The following SIPA1L1 variants were observed in gnomAD, a reference collection of about 807,000 sequenced individuals.
The protein encoded by SIPA1L1 is signal-induced proliferation-associated 1-like protein 1.
Under a neutral mutation model 162.7 loss-of-function variants are expected in SIPA1L1, and 26 were observed. The observed-to-expected ratio is 0.16, with a 90% CI of 0.12 to 0.22. The LOEUF is 0.22. Ranked by LOEUF, SIPA1L1 falls within the 10% of genes least tolerant of loss-of-function variation. SIPA1L1 has a pLI of 1.00. For missense variants in SIPA1L1, 1,874 were observed against 2,241.0 expected, an observed-to-expected ratio of 0.84 and a Z score of 3.31; for synonymous variants, 829 against 837.4, an observed-to-expected ratio of 0.99 and a Z score of 0.17.
At chr14:71,642,041 CTG>C (rs1344432132) in intron 7 of SIPA1L1, among the ~76,000 whole-genome samples, 3 of 152,180 alleles carry the variant, frequency 2.0e-5, no homozygotes, top group African/African-American at 7.2e-5. Context: ...GATTTAAAAA[CTG>C]AAGGCAAATT....
intron 2 of SIPA1L1, among the ~76,000 whole-genome samples, chr14:71,366,841 G>C (rs920036919): frequency 1.3e-5 from 2 of 152,132 alleles, no homozygotes; most frequent in South Asian, 2.1e-4. Context: ...TATGTTAAAG[G>C]ATTTTTGTAA....
At position 71,588,412 on chromosome 14, in the gene SIPA1L1, A is replaced by C. The variant is rs1032376489; in HGVS notation, c.540A>C (p.Ile180=). ...AGCGAAGCAACAGTGATATCACCATAAGTGAACTTGATGTGGATAGCTTTG... is the reference window on the plus strand; with the variant it reads ...AGCGAAGCAACAGTGATATCACCATCAGTGAACTTGATGTGGATAGCTTTG... ...IRQRSNSDIT[I]SELDVDSFDE... is the part of the protein sequence containing the mutation. Residue 180 remains isoleucine, a synonymous_variant, in exon 5 of 24, where the codon ATA becomes ATC. Coordinates refer to ENST00000381232, the MANE Select transcript of SIPA1L1 (RefSeq NM_001386936.1). This position sits in a 1 kb window ranked among gnomAD's most constrained non-coding sequence, Gnocchi z 4.3. 1 of 1,614,150 alleles carries C rather than the reference A, an allele frequency of 6.2e-7. No individual in the cohort carries two copies. Among genetic ancestry groups the C allele is most frequent in the African/African-American group, 1.3e-5 (1 of 75,066 alleles).
intron 4 of SIPA1L1, among the ~76,000 whole-genome samples, chr14:71,536,890 C>T (rs550893922): frequency 1.8e-4 from 27 of 152,270 alleles, no homozygotes; most frequent in South Asian, 1.5e-3. Flanking sequence ...GGAAGCGATA[C>T]GCAAATTTTA....
In SIPA1L1 at chr14:71,648,584, A is replaced by C. The variant is rs1315942333; in HGVS notation, c.1819-1751A>C. On this transcript the variant is annotated intron_variant, in intron 7 of 23. Coordinates refer to ENST00000381232, the MANE Select transcript of SIPA1L1 (RefSeq NM_001386936.1). ...ATTTTCAGATTTTAGAGGGATAATAAAATGTATGACCCATATAGTAATATT... is the reference window on the plus strand; with the variant it reads ...ATTTTCAGATTTTAGAGGGATAATACAATGTATGACCCATATAGTAATATT... Among the ~76,000 whole-genome samples the C allele has an allele frequency of 2.0e-5, 3 of 152,306 alleles. No homozygotes were observed. In the East Asian group the frequency reaches 5.8e-4, roughly 29 times the overall value.
chr14:71,508,179 T>C (rs1460731251), intron 2 of SIPA1L1, among the ~76,000 whole-genome samples: 1 of 152,236 alleles, frequency 6.6e-6, no homozygotes, highest in Non-Finnish European at 1.5e-5. Flanking sequence ...ATCTGTATTT[T>C]CATTTTAAAT....
intron 2 of SIPA1L1, among the ~76,000 whole-genome samples, chr14:71,409,121 G>A (rs11627196): frequency 0.14 from 20,847 of 152,200 alleles, 1,521 homozygotes; most frequent in East Asian, 0.25. Flanking sequence ...GCTTTTTAAA[G>A]TGAGTATATC....
intron 20 of SIPA1L1, among the ~76,000 whole-genome samples, chr14:71,732,608 T>C (rs1368239835): frequency 2.0e-5 from 3 of 152,214 alleles, no homozygotes; most frequent in African/African-American, 7.2e-5. Context: ...GTTACAATGG[T>C]TTAATATTTG....
At chr14:71,525,245 C>T (rs183558850) in intron 3 of SIPA1L1, among the ~76,000 whole-genome samples, 7 of 151,018 alleles carry the variant, frequency 4.6e-5, no homozygotes, top group Admixed American at 3.3e-4. Flanking sequence ...TGCAGTGGTA[C>T]GATCTCGGCT....
intron 2 of SIPA1L1, among the ~76,000 whole-genome samples, chr14:71,390,310 C>A (rs998335054): frequency 6.6e-6 from 1 of 152,130 alleles, no homozygotes; most frequent in Non-Finnish European, 1.5e-5. Flanking sequence ...ATCCCACAAC[C>A]CAGCAGCAAC....
At chr14:71,379,314 T>C (rs910458497) in intron 2 of SIPA1L1, among the ~76,000 whole-genome samples, 4 of 151,540 alleles carry the variant, frequency 2.6e-5, no homozygotes, top group Admixed American at 6.6e-5. Flanking sequence ...TTTTTTTTTT[T>C]CCTTTAAGAG....
rs2085484307 is a variant in SIPA1L1, at chr14:71,738,197, C to A, written c.5124-44C>A. ...AAAAAAAAAAAAAAACAAACCCAGCCATGGAGGCCCCTGCCAACATGGTCT... is the reference window on the plus strand; with the variant it reads ...AAAAAAAAAAAAAAACAAACCCAGCAATGGAGGCCCCTGCCAACATGGTCT... On this transcript the variant is annotated intron_variant, in intron 22 of 23. Coordinates refer to ENST00000381232, the MANE Select transcript of SIPA1L1 (RefSeq NM_001386936.1). The A allele has an allele frequency of 5.9e-6, 6 of 1,018,054 alleles. No individual in the cohort carries two copies. The Admixed American group carries it at 9.4e-5, about 16-fold the overall frequency. 63.1% of individuals were successfully genotyped at this position (1,018,054 alleles called of 1,614,324 possible). A position where few individuals can be genotyped will look rare whatever the true frequency, so the allele number is the denominator to read the frequency against.
chr14:71,409,627 GTAGATGACTATA>G (rs1040188264), intron 2 of SIPA1L1, among the ~76,000 whole-genome samples: 1 of 152,166 alleles, frequency 6.6e-6, no homozygotes, highest in Non-Finnish European at 1.5e-5. Context: ...GGTCTGTAAA[GTAGATGACTATA>G]TAACATCAGT....
intron 10 of SIPA1L1, among the ~76,000 whole-genome samples, chr14:71,666,553 A>C (rs2044021134): frequency 6.6e-6 from 1 of 152,220 alleles, no homozygotes; most frequent in African/African-American, 2.4e-5. Context: ...AGTAATAAGT[A>C]GTCATAACAA....
intron 5 of SIPA1L1, among the ~76,000 whole-genome samples, chr14:71,605,487 A>T (rs865827265): frequency 1.7e-4 from 26 of 152,120 alleles, no homozygotes; most frequent in African/African-American, 6.0e-4. Flanking sequence ...TACACATCTG[A>T]TGTAACAGTT....
chr14:71,709,567 C>G lies in SIPA1L1; in HGVS notation c.4111C>G (p.Leu1371Val). 1 of 1,614,208 alleles carries G rather than the reference C, an allele frequency of 6.2e-7. No individual in the cohort carries two copies. Among genetic ancestry groups the G allele is most frequent in the Non-Finnish European group, 8.5e-7 (1 of 1,180,022 alleles). ...HGLDRKTESSLSLDIHSKSQA... is the reference protein window; with the variant it reads ...HGLDRKTESSVSLDIHSKSQA... ...CCTGGACCGGAAAACAGAGTCTTCC[C>G]TGAGCTTAGACATACACAGCAAGAG... The change falls in exon 17 of 24, where the codon CTG becomes GTG. Residue 1371 changes from leucine to valine, a missense_variant. This residue lies in a region of SIPA1L1 where 936 missense variants were observed against 1,051.9 expected (regional missense o/e 0.89). Transcript: ENST00000381232.
chr14:71,627,131 C>CTTTTTTTTTTTTTTTTTTTTT (rs71105788), intron 7 of SIPA1L1, among the ~76,000 whole-genome samples: 3 of 48,788 alleles, frequency 6.1e-5, no homozygotes, highest in Non-Finnish European at 7.1e-5. Flanking sequence ...ACTTTCACTA[C>CTTTTTTTTTTTTTTTTTTTTT]TTTTTTTTTT....
intron 6 of SIPA1L1, among the ~76,000 whole-genome samples, chr14:71,621,741 G>A (rs748183472): frequency 3.3e-5 from 5 of 152,216 alleles, no homozygotes; most frequent in African/African-American, 4.8e-5. Context: ...CAACGTGCCC[G>A]ATTCCTCAAA....
intron 2 of SIPA1L1, among the ~76,000 whole-genome samples, chr14:71,399,765 A>T (rs930743938): frequency 6.6e-6 from 1 of 151,858 alleles, no homozygotes; most frequent in Non-Finnish European, 1.5e-5. Context: ...CCTGTCACCC[A>T]GGCTGGAGTG....
intron 4 of SIPA1L1, among the ~76,000 whole-genome samples, chr14:71,577,272 T>A (rs1384318726): frequency 3.3e-5 from 5 of 152,186 alleles, no homozygotes; most frequent in Admixed American, 2.6e-4. Context: ...GTACACAGGC[T>A]ATAAGGGAGC....
Sources: gnomAD v4.1 joint callset for allele counts (sites outside exome capture counted in the v4.1 genomes callset) on GRCh38, gnomAD v4.1.1 for gene constraint, gnomAD v4.1.1 regional missense constraint, Gnocchi (gnomAD v3.1) non-coding constraint, MANE v1.5 for transcripts, NCBI Gene and HGNC (gene_info 2026-07-23, HGNC 2026-07-21) for gene names.